The following PIMREG variants were observed in gnomAD, a reference collection of about 807,000 sequenced individuals.
PIMREG encodes PICALM interacting mitotic regulator.
PIMREG carries 19 observed loss-of-function variants against 24.3 expected under a neutral mutation model. That is an observed-to-expected ratio of 0.78 (90% CI 0.54 to 1.15). PIMREG has a LOEUF of 1.15. PIMREG is among the 50% of genes most tolerant of loss of function. PIMREG has a pLI of 0.00. For missense variants in PIMREG, 283 were observed against 306.8 expected, an observed-to-expected ratio of 0.92 and a Z score of 0.58; for synonymous variants, 112 against 124.1, an observed-to-expected ratio of 0.90 and a Z score of 0.65.
chr17:6,450,297 G>A (rs1264500860), intron 5 of PIMREG, 65 bp from the exon 6 acceptor site: 9 of 1,430,656 alleles, frequency 6.3e-6, no homozygotes, highest in Non-Finnish European at 7.6e-6. Flanking sequence ...CCCGCAGTGA[G>A]CAGGGAAAGG....
At position 6,450,482 on chromosome 17, in the gene PIMREG, C is replaced by T. The variant is rs183384643; in HGVS notation, c.*135C>T. The T allele has an allele frequency of 1.2e-3, 1,693 of 1,387,006 alleles. No homozygotes were observed. The highest frequency in any genetic ancestry group is 1.8e-3 in the Admixed American group (88 of 48,816). The allele number at this position is 1,387,006 out of a possible 1,614,324, so 85.9% of individuals were successfully genotyped here. On this transcript the variant is annotated 3_prime_UTR_variant, in exon 6 of 6. Coordinates refer to ENST00000572447, the MANE Select transcript of PIMREG (RefSeq NM_019013.3). ...CCCCTGGGCCACTGCTAACAAGCAC[C>T]TAACAAGGGGCCCAGAGCCCCCTGC...
In PIMREG at chr17:6,450,307, G is replaced by A. The variant is rs1913775166; in HGVS notation, c.*15-55G>A. ...CCCACCCCGCAGTGAGCAGGGAAAG[G>A]CATCCCTACTTCTCCTACCTTGAGC... is the stretch of plus-strand genomic sequence containing the variant. On this transcript the variant is annotated intron_variant, in intron 5 of 5. Transcript: ENST00000572447. 1.3e-5 allele frequency: 19 copies of A among 1,458,434 alleles called. No homozygotes were observed. In the South Asian group the frequency reaches 2.1e-4, roughly 16 times the overall value. The allele number at this position is 1,458,434 out of a possible 1,614,324, so 90.3% of individuals were successfully genotyped here.
chr17:6,448,301 A>AAAAAAAAAAAAAAAAAAG (rs1259419657), intron 3 of PIMREG, among the ~76,000 whole-genome samples: 4 of 149,320 alleles, frequency 2.7e-5, no homozygotes, highest in Admixed American at 6.7e-5. Flanking sequence ...AAAAAAAAAA[A>AAAAAAAAAAAAAAAAAAG]AGAGAGAGAG....
Position 6,445,441 on chromosome 17 carries a change from T to C in PIMREG, c.294+37T>C, listed in dbSNP as rs750655326. The C allele has an allele frequency of 7.7e-6, 12 of 1,564,240 alleles. No homozygotes were observed. In the East Asian group the frequency reaches 2.5e-4, roughly 32 times the overall value. ...AACACTAATCATCTTTTTTATGGAG[T>C]GTTTCCTTGGTGCCAGGCAGTTCCT... On this transcript the variant is annotated intron_variant, in intron 2 of 5. Coordinates refer to ENST00000572447, the MANE Select transcript of PIMREG (RefSeq NM_019013.3).
chr17:6,447,592 C>G lies in PIMREG; in HGVS notation c.424C>G (p.Arg142Gly), dbSNP rs762411331. Reference protein sequence around the residue: ...PTHSLSQKSTRLSGAAPAHSA... With the variant: ...PTHSLSQKSTGLSGAAPAHSA... The stretch of plus-strand genomic sequence containing the variant: ...TCACAGCCTGAGCCAGAAGAGCACC[C>G]GGCTGTCTGGAGCCGCCCCTGCCCA... Residue 142 changes from arginine (R) to glycine (G), a missense_variant, in exon 3 of 6, where the codon CGG becomes GGG. Coordinates refer to ENST00000572447, the MANE Select transcript of PIMREG (RefSeq NM_019013.3). The G allele has an allele frequency of 8.1e-6, 13 of 1,613,936 alleles. No homozygotes were observed. In the African/African-American group the frequency reaches 1.7e-4, roughly 22 times the overall value.
chr17:6,451,251 C>T lies in PIMREG; in HGVS notation c.*904C>T, dbSNP rs200560487. 2 of 152,168 alleles carry T rather than the reference C, an allele frequency of 1.3e-5. No homozygotes were observed. Among genetic ancestry groups the T allele is most frequent in the East Asian group, 3.8e-4 (2 of 5,200 alleles). 9.4% of individuals were successfully genotyped at this position (152,168 alleles called of 1,614,324 possible). A position where few individuals can be genotyped will look rare whatever the true frequency, so the allele number is the denominator to read the frequency against. On this transcript the variant is annotated 3_prime_UTR_variant, in exon 6 of 6. Transcript: ENST00000572447. ...AAAGGTTTCTCAACTTAGTTCAGAC[C>T]AAAACACATTGTAAAGGCAAAGAAG... is the stretch of plus-strand genomic sequence containing the variant.
rs1403898118 is a variant in PIMREG at position 6,451,282 on chromosome 17, T to C, written c.*935T>C. 4 of 152,226 alleles carry C rather than the reference T, an allele frequency of 2.6e-5. No individual in the cohort carries two copies. Among genetic ancestry groups the C allele is most frequent in the Non-Finnish European group, 5.9e-5 (4 of 68,046 alleles). The allele number at this position is 152,226 out of a possible 1,614,324, so 9.4% of individuals were successfully genotyped here. On this transcript the variant is annotated 3_prime_UTR_variant, in exon 6 of 6. Coordinates refer to ENST00000572447, the MANE Select transcript of PIMREG (RefSeq NM_019013.3). ...ACATTGTAAAGGCAAAGAAGGTTTTTATTTAAGTGACAACATTTGAGAGCT... is the reference window on the plus strand; with the variant it reads ...ACATTGTAAAGGCAAAGAAGGTTTTCATTTAAGTGACAACATTTGAGAGCT...
chr17:6,448,282 C>CAA (rs71154695), intron 3 of PIMREG, among the ~76,000 whole-genome samples: 2,705 of 41,294 alleles, frequency 0.066, 348 homozygotes, highest in African/African-American at 0.23. Flanking sequence ...GACCCTGTCT[C>CAA]AAAAAAAAAA....
intron 2 of PIMREG, among the ~76,000 whole-genome samples, chr17:6,445,652 C>A (rs755479426): frequency 6.6e-6 from 1 of 152,144 alleles, no homozygotes; most frequent in African/African-American, 2.4e-5. Flanking sequence ...AAGAGCTGTA[C>A]GTGATAGGAA....
At chr17:6,448,667 T>C (rs750198343) in intron 3 of PIMREG, among the ~76,000 whole-genome samples, 1 of 152,148 alleles carries the variant, frequency 6.6e-6, no homozygotes, top group Non-Finnish European at 1.5e-5. Context: ...AATCTTCTAG[T>C]TCTCAGACAG....
chr17:6,447,304 TG>T, intron 2 of PIMREG, 158 bp from the exon 3 acceptor site: 1 of 756,646 alleles, frequency 1.3e-6, no homozygotes, highest in Non-Finnish European at 2.2e-6. Flanking sequence ...TTAGTAGAAA[TG>T]GGGTTACACC....
chr17:6,445,680 C>A (rs1489011660), intron 2 of PIMREG, among the ~76,000 whole-genome samples: 1 of 152,144 alleles, frequency 6.6e-6, no homozygotes, highest in African/African-American at 2.4e-5. Flanking sequence ...AGCAAGTGAC[C>A]AATAGTGAGG....
chr17:6,450,291 C>A, intron 5 of PIMREG, 71 bp from the exon 6 acceptor site: 1 of 1,393,538 alleles, frequency 7.2e-7, no homozygotes, highest in Non-Finnish European at 9.8e-7. Context: ...CCCCACCCCG[C>A]AGTGAGCAGG....
chr17:6,449,529 C>G, intron 4 of PIMREG, 122 bp downstream of exon 4: 1 of 1,056,824 alleles, frequency 9.5e-7, no homozygotes, highest in Non-Finnish European at 1.3e-6. Context: ...CTGCCCCTCT[C>G]TGGGCCTCAG....
At chr17:6,446,601 TG>T (rs1913579767) in intron 2 of PIMREG, among the ~76,000 whole-genome samples, 1 of 152,124 alleles carries the variant, frequency 6.6e-6, no homozygotes, top group African/African-American at 2.4e-5. Flanking sequence ...CCTTCACGGC[TG>T]TCACCCGGCT....
chr17:6,447,396 G>A lies in PIMREG; in HGVS notation c.295-67G>A, dbSNP rs562090689. On this transcript the variant is annotated intron_variant, in intron 2 of 5. Transcript: ENST00000572447. ...CTCCCAAAGTACTGGGATTATAGGCGTGAGCCACCGCGCCCGGCCTAACTT... is the reference window on the plus strand; with the variant it reads ...CTCCCAAAGTACTGGGATTATAGGCATGAGCCACCGCGCCCGGCCTAACTT... The A allele has an allele frequency of 2.4e-5, 37 of 1,542,282 alleles. No homozygotes were observed. The South Asian group carries it at 2.8e-4, about 12-fold the overall frequency.
rs138322441 is a variant in PIMREG at position 6,449,313 on chromosome 17, G to A, written c.592G>A (p.Glu198Lys). 77 of 1,607,332 alleles carry A rather than the reference G, an allele frequency of 4.8e-5. No homozygotes were observed. Among genetic ancestry groups the A allele is most frequent in the Admixed American group, 2.8e-4 (16 of 58,136 alleles). The change falls in exon 4 of 6, where the codon GAG becomes AAG. Residue 198 changes from glutamate (E) to lysine (K), a missense_variant and splice_region_variant. Transcript: ENST00000572447. The part of the protein sequence containing the change: ...SSTEPLCSPS[E>K]SDSDLEPVGA... ...GGTGTGGCTTTTTCTTTCATGCAGC[G>A]AGTCTGACAGTGACCTAGAGCCTGT...
At chr17:6,450,110 TCTC>T (rs756918771) in intron 5 of PIMREG, 38 bp downstream of exon 5, 19 of 1,597,470 alleles carry the variant, frequency 1.2e-5, no homozygotes, top group Admixed American at 3.3e-5. Context: ...TCACTGTCCT[TCTC>T]CTCCATCTCA....
Position 6,445,124 on chromosome 17 carries a change from G to GGTC in PIMREG, c.15_16insTCG (p.Trp5_Gln6insSer). 6.3e-7 allele frequency: 1 copy of GGTC among 1,596,218 alleles called. No homozygotes were observed. Among genetic ancestry groups the GGTC allele is most frequent in the Admixed American group, 1.8e-5 (1 of 56,474 alleles). On this transcript the variant is annotated inframe_insertion, in exon 2 of 6. Transcript: ENST00000572447. ...TTGGCCAGGCAGATGGCTTCTCGGT[G>GGTC]GCAGAACATGGGGACCTCCGTGCGC...
Sources: allele counts gnomAD v4.1 joint callset (sites outside exome capture counted in the v4.1 genomes callset), GRCh38; gene constraint gnomAD v4.1.1; transcripts MANE v1.5; gene names NCBI Gene and HGNC (gene_info 2026-07-23, HGNC 2026-07-21).